Variants in TRPM3 observed in about 807,000 individuals in gnomAD.
TRPM3 encodes transient receptor potential cation channel subfamily M member 3.
Under a neutral mutation model 181.2 loss-of-function variants are expected in TRPM3, and 77 were observed. The ratio of observed to expected loss-of-function variants is 0.42; its 90% CI spans 0.35 to 0.51. The LOEUF (loss-of-function observed/expected upper bound fraction) is 0.51, where lower values mean the gene tolerates loss of function less well. TRPM3 is among the 20% of genes least tolerant of loss of function. TRPM3 has a pLI of 0.01. For synonymous variants in TRPM3, 745 were observed against 796.4 expected (o/e 0.94, Z 1.09); for missense variants, 1,759 against 2,196.7 (o/e 0.80, Z 3.98).
At chr9:71,358,341 T>G (rs2091995319) in intron 1 of TRPM3, among the ~76,000 whole-genome samples, 1 of 152,198 alleles carries the variant, frequency 6.6e-6, no homozygotes, top group African/African-American at 2.4e-5. Flanking sequence ...CACATAGATC[T>G]GTTAACTCTA....
At chr9:70,801,949 C>T (rs2089219287) in intron 6 of TRPM3, among the ~76,000 whole-genome samples, 1 of 152,202 alleles carries the variant, frequency 6.6e-6, no homozygotes, top group South Asian at 2.1e-4. Flanking sequence ...TCAATTTTAG[C>T]ATGCATCAGA....
rs147132715 is a variant in TRPM3, at chr9:71,062,539, G to A, written c.177+58639C>T. On this transcript the variant is annotated intron_variant, in intron 1 of 25. Transcript: ENST00000677713. ...AGCCAGTGGAGTGATGCTTAAAACT[G>A]CTGATTTGCTTTCTAAATACTTTTG... Among the ~76,000 whole-genome samples, 24 of 152,224 alleles carry A rather than the reference G, an allele frequency of 1.6e-4. No individual in the cohort carries two copies. In the East Asian group the frequency reaches 4.3e-3, roughly 27 times the overall value.
At chr9:71,160,944 C>T (rs1464716154) in intron 1 of TRPM3, among the ~76,000 whole-genome samples, 1 of 152,074 alleles carries the variant, frequency 6.6e-6, no homozygotes, top group Admixed American at 6.6e-5. Flanking sequence ...GATAATAATA[C>T]TTAACTCCTC....
rs771661455 is a variant in TRPM3 at position 71,180,930 on chromosome 9, GC to G, written c.183+265722del. Reference sequence around the variant, plus strand: ...ATACAGGTACTATTTTAAGTGTTTGGCCTTTTAGTCGTAGGAGAAGTACGTT... The same window carrying G: ...ATACAGGTACTATTTTAAGTGTTTGGCTTTTAGTCGTAGGAGAAGTACGTT... On this transcript the variant is annotated intron_variant, in intron 1 of 24. Transcript: ENST00000357533. Among the ~76,000 whole-genome samples the G allele has an allele frequency of 5.3e-5, 8 of 152,130 alleles. No homozygotes were observed. The East Asian group carries it at 1.4e-3, about 26-fold the overall frequency.
intron 1 of TRPM3, among the ~76,000 whole-genome samples, chr9:71,202,331 C>T (rs577440847): frequency 6.6e-5 from 10 of 152,202 alleles, no homozygotes; most frequent in Non-Finnish European, 1.0e-4. Flanking sequence ...TCTCCATGTG[C>T]GTGCTGGGAG....
At chr9:70,949,796 T>C (rs2133678710) in intron 1 of TRPM3, among the ~76,000 whole-genome samples, 1 of 152,310 alleles carries the variant, frequency 6.6e-6, no homozygotes, top group Non-Finnish European at 1.5e-5. Context: ...TTATATGAGT[T>C]AGTACAAACT....
intron 9 of TRPM3, among the ~76,000 whole-genome samples, chr9:70,644,321 A>C (rs1589713736): frequency 6.6e-6 from 1 of 152,326 alleles, no homozygotes; most frequent in South Asian, 2.1e-4. Context: ...ATGTAGCAGA[A>C]CCATTCTGGC....
chr9:70,843,369 A>G (rs2094801521), intron 4 of TRPM3, among the ~76,000 whole-genome samples: 1 of 151,922 alleles, frequency 6.6e-6, no homozygotes, highest in Non-Finnish European at 1.5e-5. Context: ...AATTCATATG[A>G]AAAAACAAAA....
chr9:71,164,785 A>T (rs2076457576), intron 1 of TRPM3, among the ~76,000 whole-genome samples: 1 of 152,150 alleles, frequency 6.6e-6, no homozygotes, highest in Admixed American at 6.6e-5. Flanking sequence ...CTTTGTAAGC[A>T]CTACTGATAT....
At chr9:70,619,164 G>T in intron 16 of TRPM3, 69 bp from the exon 17 acceptor site, 2 of 1,344,200 alleles carry the variant, frequency 1.5e-6, no homozygotes, top group Non-Finnish European at 2.1e-6. Context: ...AAGTGGACCT[G>T]CTGGCCAACC....
At chr9:71,424,554 A>G (rs919710558) in intron 1 of TRPM3, among the ~76,000 whole-genome samples, 2 of 152,114 alleles carry the variant, frequency 1.3e-5, no homozygotes, top group Admixed American at 6.6e-5. Flanking sequence ...TATTACTGAC[A>G]ATGTTAGGTT....
intron 1 of TRPM3, among the ~76,000 whole-genome samples, chr9:71,096,207 G>C (rs2133975965): frequency 6.6e-6 from 1 of 150,608 alleles, no homozygotes; most frequent in Admixed American, 6.7e-5. Context: ...GAACAATGTT[G>C]CAAATGCTAT....
At chr9:70,652,702 A>T (rs1589817832) in intron 9 of TRPM3, among the ~76,000 whole-genome samples, 1 of 152,214 alleles carries the variant, frequency 6.6e-6, no homozygotes, top group South Asian at 2.1e-4. Flanking sequence ...ATCAGGCTTT[A>T]AACTGTGGTC....
intron 9 of TRPM3, among the ~76,000 whole-genome samples, chr9:70,651,319 T>G (rs1289199387): frequency 6.6e-6 from 1 of 152,218 alleles, no homozygotes; most frequent in Non-Finnish European, 1.5e-5. Context: ...CTGTATGCAG[T>G]CTATGCTAAT....
At chr9:70,573,641 C>A (rs984549851) in intron 22 of TRPM3, among the ~76,000 whole-genome samples, 1 of 152,054 alleles carries the variant, frequency 6.6e-6, no homozygotes, top group Non-Finnish European at 1.5e-5. Flanking sequence ...AAAACAAAAA[C>A]CTTGAATTTC....
At position 70,784,089 on chromosome 9, in the gene TRPM3, C is replaced by T. The variant is rs1441941845; in HGVS notation, c.1148+16G>A. Reference sequence around the variant, plus strand: ...AGGCTTTAGGGTTCTTCCATGGGGCCTGGAAAGTTACCTACCCGCCTTCTT... The same window carrying T: ...AGGCTTTAGGGTTCTTCCATGGGGCTTGGAAAGTTACCTACCCGCCTTCTT... On this transcript the variant is annotated intron_variant, in intron 7 of 25. Coordinates refer to ENST00000677713, the MANE Select transcript of TRPM3 (RefSeq NM_001366145.2). 3.1e-6 allele frequency: 5 copies of T among 1,610,438 alleles called. No homozygotes were observed. Among genetic ancestry groups the T allele is most frequent in the Non-Finnish European group, 4.2e-6 (5 of 1,177,956 alleles).
intron 9 of TRPM3, among the ~76,000 whole-genome samples, chr9:70,661,247 GA>G (rs971464742): frequency 2.6e-5 from 4 of 151,608 alleles, no homozygotes; most frequent in African/African-American, 7.3e-5. Context: ...ATGACTTTTT[GA>G]AAAAAACCCT....
At position 70,610,029 on chromosome 9, in the gene TRPM3, G is replaced by T. The variant is rs1395552709; in HGVS notation, c.2667+580C>A. On this transcript the variant is annotated intron_variant, in intron 19 of 25. Transcript: ENST00000677713. The stretch of plus-strand genomic sequence containing the variant: ...CTTTTGTAGGCAGAAATATTTACAG[G>T]ATGTGCAAACTAAACAATATTTGCC... 2.0e-5 allele frequency among the ~76,000 whole-genome samples: 3 copies of T among 152,186 alleles called. No homozygotes were observed. The East Asian group carries it at 5.8e-4, about 29-fold the overall frequency.
At position 71,143,549 on chromosome 9, in the gene TRPM3, A is replaced by G. The variant is rs1457074794; in HGVS notation, c.184-279038T>C. On this transcript the variant is annotated intron_variant, in intron 1 of 24. Transcript: ENST00000357533. Reference sequence around the variant, plus strand: ...CTTTTTTATGGCTGCATAGGATTCCATGGGGTATATGTGCCACATTTTCTT... The same window carrying G: ...CTTTTTTATGGCTGCATAGGATTCCGTGGGGTATATGTGCCACATTTTCTT... Among the ~76,000 whole-genome samples, 8 of 152,112 alleles carry G rather than the reference A, an allele frequency of 5.3e-5. 1 individual carries two copies. Among genetic ancestry groups the G allele is most frequent in the Admixed American group, 5.2e-4 (8 of 15,262 alleles).
Sources: allele counts gnomAD v4.1 joint callset (sites outside exome capture counted in the v4.1 genomes callset), GRCh38; gene constraint gnomAD v4.1.1; transcripts MANE v1.5; gene names NCBI Gene and HGNC (gene_info 2026-07-23, HGNC 2026-07-21).